GLIS3: variants seen among roughly 807,000 people sequenced by gnomAD.
GLIS3 encodes GLIS family zinc finger 3.
Under a neutral mutation model 78.6 loss-of-function variants are expected in GLIS3, and 53 were observed. The observed-to-expected ratio is 0.67, with a 90% CI of 0.54 to 0.85. The LOEUF (loss-of-function observed/expected upper bound fraction) is 0.85. Ranked by LOEUF, GLIS3 falls within the 40% of genes least tolerant of loss-of-function variation. The pLI is 0.00. For missense variants in GLIS3, 1,703 were observed against 1,231.1 expected (o/e 1.38, Z -5.74); for synonymous variants, 684 against 509.9 (o/e 1.34, Z -4.60).
chr9:4,231,949 G>C (rs780821621), intron 2 of GLIS3, among the ~76,000 whole-genome samples: 1 of 152,138 alleles, frequency 6.6e-6, no homozygotes, highest in African/African-American at 2.4e-5. Context: ...ATCCACAATA[G>C]GCAATTTGCC....
At chr9:4,036,928 C>T (rs1588506168) in intron 4 of GLIS3, among the ~76,000 whole-genome samples, 1 of 152,058 alleles carries the variant, frequency 6.6e-6, no homozygotes, top group Non-Finnish European at 1.5e-5. Flanking sequence ...AGGGGCAGAC[C>T]GCAGTGGATT....
chr9:4,131,621 T>A lies in GLIS3; in HGVS notation c.389-5680A>T, dbSNP rs1832978465. 2.0e-5 allele frequency among the ~76,000 whole-genome samples: 3 copies of A among 152,348 alleles called. No homozygotes were observed. The South Asian group carries it at 6.2e-4, about 32-fold the overall frequency. On this transcript the variant is annotated intron_variant, in intron 2 of 10. Coordinates refer to ENST00000381971, the MANE Select transcript of GLIS3 (RefSeq NM_001042413.2). ...ATGTGACTGCTTCACCTTCACTTTC[T>A]GCCATCATTGAAAGTTTCCTGAGGC...
At chr9:4,372,870 T>G in the GLIS3 span, among the ~76,000 whole-genome samples, 1 of 152,200 alleles carries the variant, frequency 6.6e-6, no homozygotes, top group Non-Finnish European at 1.5e-5. Flanking sequence ...TAAGCAATGA[T>G]AGGGACTCCA....
chr9:3,831,259 T>C (rs900164920), intron 9 of GLIS3, among the ~76,000 whole-genome samples: 3 of 152,204 alleles, frequency 2.0e-5, no homozygotes, highest in Admixed American at 6.5e-5. Flanking sequence ...TGGAAAGCTA[T>C]TGTCTTTTTC....
chr9:4,459,124 G>C, the GLIS3 span, among the ~76,000 whole-genome samples: 1 of 152,212 alleles, frequency 6.6e-6, no homozygotes, highest in African/African-American at 2.4e-5. Flanking sequence ...GGGGGCAAGA[G>C]TGGAGACAGG....
intron 2 of GLIS3, among the ~76,000 whole-genome samples, chr9:4,329,051 G>C (rs955945684): frequency 1.2e-4 from 18 of 152,180 alleles, no homozygotes; most frequent in Admixed American, 1.1e-3. Flanking sequence ...AATCTTGCCT[G>C]CTTGCCAGGC....
chr9:4,174,555 CTATA>C (rs1027574112), intron 2 of GLIS3, among the ~76,000 whole-genome samples: 3 of 152,096 alleles, frequency 2.0e-5, no homozygotes, highest in Non-Finnish European at 4.4e-5. Flanking sequence ...AAAATGATTC[CTATA>C]TATATAATCA....
chr9:4,330,633 A>G (rs1287828639), intron 2 of GLIS3, among the ~76,000 whole-genome samples: 6 of 151,208 alleles, frequency 4.0e-5, no homozygotes, highest in African/African-American at 1.5e-4. Flanking sequence ...TTGGATGGAG[A>G]TGAGGAGAGG....
At chr9:4,254,375 T>C (rs921560756) in intron 2 of GLIS3, among the ~76,000 whole-genome samples, 1 of 152,200 alleles carries the variant, frequency 6.6e-6, no homozygotes, top group Non-Finnish European at 1.5e-5. Flanking sequence ...ATACAGAATT[T>C]TTTAAAAGAC....
At chr9:4,229,570 C>G (rs73400449) in intron 2 of GLIS3, among the ~76,000 whole-genome samples, 7,000 of 152,170 alleles carry the variant, frequency 0.046, 529 homozygotes, top group African/African-American at 0.16. Context: ...TAAAAGTGCC[C>G]TGAAGCACGG....
At chr9:3,987,784 A>AAAAAAAAAAAAAAAAAAAAAAAAC (rs1554665966) in intron 4 of GLIS3, among the ~76,000 whole-genome samples, 2 of 69,552 alleles carry the variant, frequency 2.9e-5, no homozygotes, top group Non-Finnish European at 2.9e-5. Flanking sequence ...AAAAAAAAAA[A>AAAAAAAAAAAAAAAAAAAAAAAAC]AAAACAAAAC....
intron 1 of GLIS3, among the ~76,000 whole-genome samples, chr9:4,297,081 A>C (rs1410938776): frequency 6.6e-6 from 1 of 152,116 alleles, no homozygotes; most frequent in Admixed American, 6.5e-5. Flanking sequence ...AAAGAGAAGA[A>C]GTAGGAAGGT....
chr9:3,884,669 G>A (rs572116537), intron 7 of GLIS3, among the ~76,000 whole-genome samples: 1 of 152,116 alleles, frequency 6.6e-6, no homozygotes, highest in Non-Finnish European at 1.5e-5. Flanking sequence ...TTTATAATGT[G>A]CAAAGTTCTT....
intron 4 of GLIS3, among the ~76,000 whole-genome samples, chr9:4,075,948 C>T (rs1828014898): frequency 6.6e-6 from 1 of 152,124 alleles, no homozygotes; most frequent in Non-Finnish European, 1.5e-5. Context: ...GCTCCTTAGG[C>T]CCAGAGCCAA....
At chr9:4,399,833 G>A in the GLIS3 span, among the ~76,000 whole-genome samples, 1 of 152,166 alleles carries the variant, frequency 6.6e-6, no homozygotes, top group Non-Finnish European at 1.5e-5. Flanking sequence ...AGTTTACTTT[G>A]AGGCATGATG....
chr9:4,282,820 T>A (rs1827675393), intron 2 of GLIS3, among the ~76,000 whole-genome samples: 1 of 152,124 alleles, frequency 6.6e-6, no homozygotes, highest in African/African-American at 2.4e-5. Context: ...CCCTAATTAA[T>A]AAACCCACAA....
chr9:3,847,212 AAT>A (rs1184840916), intron 9 of GLIS3, among the ~76,000 whole-genome samples: 1 of 112,092 alleles, frequency 8.9e-6, no homozygotes, highest in Non-Finnish European at 2.0e-5. Context: ...TAAATACATA[AAT>A]AAAAAAAAAT....
chr9:4,133,874 A>ACCCC lies in GLIS3; in HGVS notation c.389-7934_389-7933insGGGG, dbSNP rs1554711174. On this transcript the variant is annotated intron_variant, in intron 2 of 10. Transcript: ENST00000381971. ...CACACACACACACACACACACACACACCGTACATCTGTCCTCGCCTGAACG... is the reference window on the plus strand; with the variant it reads ...CACACACACACACACACACACACACACCCCCCGTACATCTGTCCTCGCCTGAACG... 1.5e-3 allele frequency among the ~76,000 whole-genome samples: 184 copies of ACCCC among 123,986 alleles called. 4 individuals are homozygous for ACCCC. The highest frequency in any genetic ancestry group is 3.5e-3 in the South Asian group (13 of 3,684). The allele number at this position is 123,986 out of a possible 152,430, so 81.3% of individuals were successfully genotyped here. A position where few individuals can be genotyped will look rare whatever the true frequency, so the allele number is the denominator to read the frequency against.
intron 4 of GLIS3, among the ~76,000 whole-genome samples, chr9:4,022,280 C>G (rs1320052045): frequency 6.6e-6 from 1 of 152,174 alleles, no homozygotes; most frequent in Non-Finnish European, 1.5e-5. Context: ...CATCTCAGGT[C>G]CTGCGCTTGG....
Sources: gnomAD v4.1 joint callset for allele counts (sites outside exome capture counted in the v4.1 genomes callset) on GRCh38, gnomAD v4.1.1 for gene constraint, MANE v1.5 for transcripts, NCBI Gene and HGNC (gene_info 2026-07-23, HGNC 2026-07-21) for gene names.